The following ZCCHC7 variants were observed in gnomAD, a reference collection of about 807,000 sequenced individuals.
ZCCHC7 encodes zinc finger CCHC-type containing 7, also known as zinc finger CCHC domain-containing protein 7.
A neutral mutation model predicts 52.0 loss-of-function variants in ZCCHC7; 35 were observed. That is an observed-to-expected ratio of 0.67 (90% CI 0.51 to 0.89). The LOEUF is 0.89. ZCCHC7 is among the 40% of genes least tolerant of loss of function. ZCCHC7 has a pLI of 0.00. For synonymous variants in ZCCHC7, 217 were observed against 221.5 expected (o/e 0.98, Z 0.18); for missense variants, 574 against 649.1 (o/e 0.88, Z 1.26).
chr9:37,167,803 C>G (rs560524711), intron 2 of ZCCHC7, among the ~76,000 whole-genome samples: 13 of 152,180 alleles, frequency 8.5e-5, no homozygotes, highest in Non-Finnish European at 1.5e-4. Flanking sequence ...TCTTACTGCT[C>G]TATGCAACAT....
At chr9:37,272,669 G>A (rs555428719) in intron 2 of ZCCHC7, among the ~76,000 whole-genome samples, 2 of 151,772 alleles carry the variant, frequency 1.3e-5, no homozygotes, top group African/African-American at 2.4e-5. Context: ...TTCTCTTAAC[G>A]GTATAGTTTG....
At chr9:37,258,899 T>C (rs1215078408) in intron 2 of ZCCHC7, among the ~76,000 whole-genome samples, 2 of 151,368 alleles carry the variant, frequency 1.3e-5, no homozygotes, top group African/African-American at 2.4e-5. Flanking sequence ...GATTGTAGGA[T>C]TGTAGCACAG....
At chr9:37,214,261 A>G (rs1268523030) in intron 2 of ZCCHC7, among the ~76,000 whole-genome samples, 2 of 152,118 alleles carry the variant, frequency 1.3e-5, no homozygotes, top group Non-Finnish European at 2.9e-5. Context: ...GTACTGAGCC[A>G]TGCTGCATTA....
At position 37,126,485 on chromosome 9, in the gene ZCCHC7, G is replaced by C; in HGVS notation, c.153G>C (p.Glu51Asp). Residue 51 changes from glutamate to aspartate, a missense_variant, in exon 2 of 9, where the codon GAG (glutamate) becomes GAC (aspartate). This residue lies in a region of ZCCHC7 where 403 missense variants were observed against 461.2 expected (regional missense o/e 0.87). Transcript: ENST00000336755. ...YAQDLDDVIR[E>D]EEHEEKNSGN... ...AAGATCTTGATGATGTCATCAGGGAGGAAGAGCATGAAGAAAAGAACTCTG... is the reference window on the plus strand; with the variant it reads ...AAGATCTTGATGATGTCATCAGGGACGAAGAGCATGAAGAAAAGAACTCTG... 3 of 1,613,686 alleles carry C rather than the reference G, an allele frequency of 1.9e-6. No homozygotes were observed. The highest frequency in any genetic ancestry group is 2.5e-6 in the Non-Finnish European group (3 of 1,180,022).
chr9:37,230,399 G>T (rs1432923697), intron 2 of ZCCHC7, among the ~76,000 whole-genome samples: 1 of 152,098 alleles, frequency 6.6e-6, no homozygotes, highest in Admixed American at 6.5e-5. Flanking sequence ...TGGGACAGCT[G>T]CCATATACTT....
rs895546413 is a variant in ZCCHC7, at chr9:37,305,432, T to G, written c.781-112T>G. On this transcript the variant is annotated intron_variant, in intron 4 of 8. Coordinates refer to ENST00000336755, the MANE Select transcript of ZCCHC7 (RefSeq NM_032226.3). ...TACAGTTGTGCTCAGGATTCTACCT[T>G]TATTGGGATCTCAAATTAGAAAAGA... The G allele has an allele frequency of 1.3e-5, 17 of 1,265,042 alleles. No homozygotes were observed. The African/African-American group carries it at 2.1e-4, about 16-fold the overall frequency. 78.4% of individuals were successfully genotyped at this position (1,265,042 alleles called of 1,614,324 possible).
rs146603674 is a variant in ZCCHC7 at position 37,298,692 on chromosome 9, A to C, written c.611-3496A>C. Among the ~76,000 whole-genome samples the C allele has an allele frequency of 2.3e-3, 356 of 152,314 alleles. 3 individuals carry two copies. Among genetic ancestry groups the C allele is most frequent in the Non-Finnish European group, 2.0e-3 (135 of 68,014 alleles). On this transcript the variant is annotated intron_variant, in intron 2 of 8. Transcript: ENST00000336755. Reference sequence around the variant, plus strand: ...TGGAAATGTTCTACATTTGATTTTTATAGTGATTACCCAGGTGTATACATT... The same window carrying C: ...TGGAAATGTTCTACATTTGATTTTTCTAGTGATTACCCAGGTGTATACATT...
intron 7 of ZCCHC7, among the ~76,000 whole-genome samples, chr9:37,350,219 C>T (rs1158330871): frequency 6.6e-6 from 1 of 151,134 alleles, no homozygotes; most frequent in Non-Finnish European, 1.5e-5. Flanking sequence ...ACTTCCACCT[C>T]CTGGGTTCAA....
intron 6 of ZCCHC7, among the ~76,000 whole-genome samples, chr9:37,343,836 C>A (rs1187353107): frequency 6.6e-6 from 1 of 152,178 alleles, no homozygotes; most frequent in Non-Finnish European, 1.5e-5. Flanking sequence ...TTTAGCCTGG[C>A]AGGCCATATG....
At chr9:37,277,590 G>A (rs571510873) in intron 2 of ZCCHC7, among the ~76,000 whole-genome samples, 14 of 152,284 alleles carry the variant, frequency 9.2e-5, no homozygotes, top group African/African-American at 3.4e-4. Context: ...TAAAGAAAAA[G>A]CATTTGATGA....
At chr9:37,238,694 G>GA (rs1422953230) in intron 2 of ZCCHC7, among the ~76,000 whole-genome samples, 1 of 152,050 alleles carries the variant, frequency 6.6e-6, no homozygotes. Flanking sequence ...TTTCTCACCT[G>GA]GTTGATCATT....
chr9:37,297,624 T>C (rs1175907024), intron 2 of ZCCHC7, among the ~76,000 whole-genome samples: 1 of 152,240 alleles, frequency 6.6e-6, no homozygotes, highest in African/African-American at 2.4e-5. Context: ...GGCTTCCTTA[T>C]AAGAAGGAGC....
Position 37,263,010 on chromosome 9 carries a change from T to A in ZCCHC7, c.611-39178T>A, listed in dbSNP as rs1334028558. Among the ~76,000 whole-genome samples, 3 of 152,328 alleles carry A rather than the reference T, an allele frequency of 2.0e-5. No homozygotes were observed. The East Asian group carries it at 5.8e-4, about 29-fold the overall frequency. ...CCAAGATGTTCTTTTCATAGAAGAT[T>A]TTTTGTTACATATTTTCTTAAAAAT... On this transcript the variant is annotated intron_variant, in intron 2 of 8. Coordinates refer to ENST00000336755, the MANE Select transcript of ZCCHC7 (RefSeq NM_032226.3).
chr9:37,215,566 T>C (rs1824460750), intron 2 of ZCCHC7, among the ~76,000 whole-genome samples: 2 of 152,220 alleles, frequency 1.3e-5, no homozygotes, highest in Admixed American at 1.3e-4. Flanking sequence ...CTTTAGTCTT[T>C]CCATAAATTT....
intron 2 of ZCCHC7, among the ~76,000 whole-genome samples, chr9:37,224,083 T>A (rs1416054553): frequency 6.6e-6 from 1 of 152,128 alleles, no homozygotes; most frequent in Non-Finnish European, 1.5e-5. Context: ...GAGATTTTTG[T>A]CTTTAAATAT....
At chr9:37,272,366 A>G (rs1012033561) in intron 2 of ZCCHC7, among the ~76,000 whole-genome samples, 1 of 151,916 alleles carries the variant, frequency 6.6e-6, no homozygotes, top group Non-Finnish European at 1.5e-5. Context: ...TATTATTCCT[A>G]TGAGTTGGGG....
intron 2 of ZCCHC7, among the ~76,000 whole-genome samples, chr9:37,289,301 C>T (rs1264963232): frequency 6.6e-6 from 1 of 152,036 alleles, no homozygotes; most frequent in East Asian, 1.9e-4. Flanking sequence ...AGGCGCCTGC[C>T]ACCACACCTG....
chr9:37,329,662 T>C (rs1427804962), intron 6 of ZCCHC7, among the ~76,000 whole-genome samples: 1 of 151,868 alleles, frequency 6.6e-6, no homozygotes, highest in East Asian at 1.9e-4. Context: ...ATTTAAATTA[T>C]CAGTATATGG....
chr9:37,310,959 T>A (rs7850996), intron 5 of ZCCHC7, among the ~76,000 whole-genome samples: 30,497 of 114,484 alleles, frequency 0.27, 4,366 homozygotes, highest in Non-Finnish European at 0.34. Context: ...TCTCTCTTTT[T>A]AAAAAAAAAA....
Sources: allele counts gnomAD v4.1 joint callset (sites outside exome capture counted in the v4.1 genomes callset), GRCh38; gene constraint gnomAD v4.1.1; regional missense constraint gnomAD v4.1.1; transcripts MANE v1.5; gene names NCBI Gene and HGNC (gene_info 2026-07-23, HGNC 2026-07-21).